Variants in VSTM2A observed in about 807,000 individuals in gnomAD.
The protein encoded by VSTM2A is V-set and transmembrane domain-containing protein 2A.
VSTM2A carries 13 observed loss-of-function variants against 27.3 expected under a neutral mutation model. That is an observed-to-expected ratio of 0.48 (90% CI 0.31 to 0.76). VSTM2A has a LOEUF of 0.76. Ranked by LOEUF, VSTM2A falls within the 30% of genes least tolerant of loss-of-function variation. The probability of loss-of-function intolerance (pLI) is 0.05; values close to 1 mark genes in which losing one functional copy is unlikely to be tolerated. For synonymous variants in VSTM2A, 142 were observed against 125.7 expected (o/e 1.13, Z -0.87); for missense variants, 280 against 310.0 (o/e 0.90, Z 0.73).
At chr7:54,556,565 T>G (rs1443602951) in intron 4 of VSTM2A, among the ~76,000 whole-genome samples, 1 of 152,202 alleles carries the variant, frequency 6.6e-6, no homozygotes, top group Non-Finnish European at 1.5e-5. Context: ...GTTTAAATGA[T>G]CCAACTTGGC....
rs1345249796 is a variant in VSTM2A at position 54,549,947 on chromosome 7, T to G, written c.411T>G (p.Leu137=). Residue 137 remains leucine (L), a synonymous_variant, in exon 4 of 5, where the codon CTT becomes CTG. Coordinates refer to ENST00000402613, the MANE Select transcript of VSTM2A (RefSeq NM_001301009.2). ...CRVTDANYGE[L]QEHKAQAYLK... ...TGACTGATGCCAACTACGGGGAGCT[T>G]CAGGAACACAAGGCCCAGGCCTATC... 1 of 1,613,688 alleles carries G rather than the reference T, an allele frequency of 6.2e-7. No individual in the cohort carries two copies. Among genetic ancestry groups the G allele is most frequent in the African/African-American group, 1.3e-5 (1 of 75,026 alleles).
chr7:54,562,529 G>A (rs965484064), intron 4 of VSTM2A, among the ~76,000 whole-genome samples: 3 of 152,148 alleles, frequency 2.0e-5, no homozygotes, highest in African/African-American at 7.2e-5. Context: ...CAGATATTCA[G>A]CCAAACTGAC....
intron 3 of VSTM2A, among the ~76,000 whole-genome samples, chr7:54,548,630 A>G (rs548415555): frequency 6.6e-6 from 1 of 152,200 alleles, no homozygotes; most frequent in Non-Finnish European, 1.5e-5. Context: ...TACTCTAGCT[A>G]CCTCAAACTT....
intron 4 of VSTM2A, among the ~76,000 whole-genome samples, chr7:54,552,847 C>T (rs73406900): frequency 0.021 from 3,267 of 152,298 alleles, 107 homozygotes; most frequent in African/African-American, 0.075. Context: ...ATATGGGACA[C>T]TGTCATCTCT....
intron 4 of VSTM2A, among the ~76,000 whole-genome samples, chr7:54,565,013 A>C (rs1395228445): frequency 7.3e-6 from 1 of 136,476 alleles, no homozygotes; most frequent in African/African-American, 2.6e-5. Flanking sequence ...ATCAAGTATG[A>C]AGTATGTTAT....
chr7:54,543,377 C>T (rs1186638246), intron 1 of VSTM2A, among the ~76,000 whole-genome samples: 1 of 152,154 alleles, frequency 6.6e-6, no homozygotes, highest in Non-Finnish European at 1.5e-5. Flanking sequence ...GTCGTTTCAG[C>T]ACCATGAACA....
chr7:54,549,158 G>T (rs1436573503), intron 3 of VSTM2A, among the ~76,000 whole-genome samples: 2 of 151,954 alleles, frequency 1.3e-5, no homozygotes, highest in Non-Finnish European at 1.5e-5. Flanking sequence ...TTTTATCGAT[G>T]GCATCCCAAG....
intron 4 of VSTM2A, among the ~76,000 whole-genome samples, chr7:54,560,859 T>A (rs1190673063): frequency 6.6e-6 from 1 of 152,196 alleles, no homozygotes; most frequent in Non-Finnish European, 1.5e-5. Context: ...ATACTTCAAA[T>A]TTTAAAATGT....
At chr7:54,558,189 A>G (rs1009823256) in intron 4 of VSTM2A, 13 of 152,232 alleles carry the variant, frequency 8.5e-5, no homozygotes, top group Admixed American at 7.9e-4. Flanking sequence ...AGCTTTCAAA[A>G]AAGATTTTCT....
intron 1 of VSTM2A, among the ~76,000 whole-genome samples, chr7:54,543,930 A>G (rs1466140758): frequency 6.6e-6 from 1 of 152,210 alleles, no homozygotes; most frequent in East Asian, 1.9e-4. Context: ...AGGCTGAGAA[A>G]CATCTCCATA....
At chr7:54,546,386 G>A (rs1391982848) in intron 2 of VSTM2A, among the ~76,000 whole-genome samples, 1 of 151,916 alleles carries the variant, frequency 6.6e-6, no homozygotes, top group Non-Finnish European at 1.5e-5. Flanking sequence ...AGTTGAGCGA[G>A]AGGCGGCGCC....
chr7:54,558,198 C>A (rs1472752151), intron 4 of VSTM2A: 1 of 152,082 alleles, frequency 6.6e-6, no homozygotes, highest in Non-Finnish European at 1.5e-5. Flanking sequence ...AAAAGATTTT[C>A]TGAGTTTTTA....
At chr7:54,557,475 A>G (rs1331380099) in intron 4 of VSTM2A, among the ~76,000 whole-genome samples, 5 of 152,018 alleles carry the variant, frequency 3.3e-5, no homozygotes, top group Non-Finnish European at 5.9e-5. Context: ...CTTGGATTAC[A>G]GGTGCGCACC....
In VSTM2A at chr7:54,569,216, C is replaced by CT; in HGVS notation, c.721dup (p.Ter241LeufsTer15). On this transcript the variant is annotated frameshift_variant, in exon 5 of 5. Transcript: ENST00000402613. LOFTEE classifies it high-confidence loss of function. ...AGCACCACCCTGCACCCACTGTACTCTAATTCACTACACAAGGAGCGCCTG... is the reference window on the plus strand; with the variant it reads ...AGCACCACCCTGCACCCACTGTACTCTTAATTCACTACACAAGGAGCGCCTG... 1.3e-6 allele frequency: 2 copies of CT among 1,551,660 alleles called. No homozygotes were observed. Among genetic ancestry groups the CT allele is most frequent in the Non-Finnish European group, 1.7e-6 (2 of 1,146,940 alleles).
chr7:54,554,018 C>G (rs1240374877), intron 4 of VSTM2A: 1 of 1,553,292 alleles, frequency 6.4e-7, no homozygotes, highest in African/African-American at 1.4e-5. Flanking sequence ...CTCCTCTTCC[C>G]CAACCTGGCC....
Position 54,550,125 on chromosome 7 carries a change from A to G in VSTM2A, c.589A>G (p.Ser197Gly). Residue 197 changes from serine to glycine, a missense_variant, in exon 4 of 5, where the codon AGC becomes GGC. Coordinates refer to ENST00000402613, the MANE Select transcript of VSTM2A (RefSeq NM_001301009.2). ...SANQRTHSTSSPQVVAKIPKQ... is the reference protein window; with the variant it reads ...SANQRTHSTSGPQVVAKIPKQ... The stretch of plus-strand genomic sequence containing the variant: ...CAACCAACGAACGCACTCCACCTCC[A>G]GCCCTCAAGTGGTAGCCAAAATCCC... 2 of 1,607,042 alleles carry G rather than the reference A, an allele frequency of 1.2e-6. No homozygotes were observed. Among genetic ancestry groups the G allele is most frequent in the Non-Finnish European group, 1.7e-6 (2 of 1,176,774 alleles).
intron 4 of VSTM2A, among the ~76,000 whole-genome samples, chr7:54,563,961 TC>T (rs1261099114): frequency 1.3e-5 from 2 of 152,232 alleles, no homozygotes; most frequent in Non-Finnish European, 2.9e-5. Context: ...ATTTGACCTT[TC>T]CCCTTAAACA....
At chr7:54,551,196 T>C (rs1788182246) in intron 4 of VSTM2A, 2 of 151,838 alleles carry the variant, frequency 1.3e-5, no homozygotes, top group Admixed American at 6.6e-5. Context: ...ATCATCCTAA[T>C]CAAATATAGA....
In VSTM2A at chr7:54,544,810, G is replaced by T. The variant is rs763559921; in HGVS notation, c.246+22G>T. Reference sequence around the variant, plus strand: ...GCAGGTAGCGGAGCCCGCCGACCCCGCGTCTCCCCTTCGCTCGCCCGGTCC... The same window carrying T: ...GCAGGTAGCGGAGCCCGCCGACCCCTCGTCTCCCCTTCGCTCGCCCGGTCC... On this transcript the variant is annotated intron_variant, in intron 2 of 4. Transcript: ENST00000402613. 63 of 1,580,404 alleles carry T rather than the reference G, an allele frequency of 4.0e-5. No individual in the cohort carries two copies. The East Asian group carries it at 1.4e-3, about 34-fold the overall frequency.
Sources: allele counts gnomAD v4.1 joint callset (sites outside exome capture counted in the v4.1 genomes callset), GRCh38; gene constraint gnomAD v4.1.1; transcripts MANE v1.5; gene names NCBI Gene and HGNC (gene_info 2026-07-23, HGNC 2026-07-21).